MAF: variants seen among roughly 807,000 people sequenced by gnomAD.
MAF encodes transcription factor Maf.
A neutral mutation model predicts 22.0 loss-of-function variants in MAF; 10 were observed. The ratio of observed to expected loss-of-function variants is 0.45; its 90% CI spans 0.28 to 0.77. The LOEUF (loss-of-function observed/expected upper bound fraction) is 0.77. MAF is among the 30% of genes least tolerant of loss of function. The probability of loss-of-function intolerance (pLI) is 0.12; values close to 1 mark genes in which losing one functional copy is unlikely to be tolerated. For synonymous variants in MAF, 337 were observed against 255.8 expected (o/e 1.32, Z -3.03); for missense variants, 544 against 548.4 (o/e 0.99, Z 0.08).
chr16:79,325,822 T>C, the MAF span, among the ~76,000 whole-genome samples: 28 of 152,040 alleles, frequency 1.8e-4, no homozygotes, highest in African/African-American at 6.3e-4. Flanking sequence ...AGAACAAACA[T>C]GGCTAGGAAG....
the MAF span, among the ~76,000 whole-genome samples, chr16:79,262,236 G>T: frequency 6.6e-6 from 1 of 152,202 alleles, no homozygotes; most frequent in African/African-American, 2.4e-5. Flanking sequence ...GCTCCTTAGT[G>T]AGGGCCAGAC....
At chr16:79,502,120 G>A in the MAF span, among the ~76,000 whole-genome samples, 3 of 152,160 alleles carry the variant, frequency 2.0e-5, no homozygotes, top group Admixed American at 6.5e-5. Flanking sequence ...TCTCCCAGCC[G>A]AGTACCCTCT....
At chr16:79,219,373 T>C in the MAF span, among the ~76,000 whole-genome samples, 1 of 152,106 alleles carries the variant, frequency 6.6e-6, no homozygotes, top group South Asian at 2.1e-4. Flanking sequence ...TCTTTGTTCA[T>C]TTAAGACTCA....
At chr16:79,411,888 C>G in the MAF span, among the ~76,000 whole-genome samples, 1 of 152,046 alleles carries the variant, frequency 6.6e-6, no homozygotes, top group Admixed American at 6.5e-5. Context: ...CCTCTGCACC[C>G]TTTAAAAACA....
At chr16:79,292,769 A>T in the MAF span, among the ~76,000 whole-genome samples, 1 of 152,086 alleles carries the variant, frequency 6.6e-6, no homozygotes, top group Non-Finnish European at 1.5e-5. Flanking sequence ...GCCATCCAAA[A>T]CCCACCAAAA....
At chr16:79,469,893 C>A in the MAF span, among the ~76,000 whole-genome samples, 1,268 of 152,304 alleles carry the variant, frequency 8.3e-3, 13 homozygotes, top group African/African-American at 0.026. Context: ...CCGCGCCTGG[C>A]CTACAGGGTC....
chr16:79,536,048 C>T, the MAF span, among the ~76,000 whole-genome samples: 4 of 152,168 alleles, frequency 2.6e-5, no homozygotes, highest in Non-Finnish European at 4.4e-5. Context: ...GCTATGCAGA[C>T]AATAGGTGCT....
chr16:79,519,433 G>C, the MAF span, among the ~76,000 whole-genome samples: 1 of 152,186 alleles, frequency 6.6e-6, no homozygotes, highest in Non-Finnish European at 1.5e-5. Context: ...ATGCTACGGG[G>C]AGTCTCTAAC....
At chr16:79,232,919 C>A in the MAF span, among the ~76,000 whole-genome samples, 1 of 148,260 alleles carries the variant, frequency 6.7e-6, no homozygotes, top group African/African-American at 2.5e-5. Context: ...TGGCTCACTG[C>A]AAGCTCTGCC....
chr16:79,344,707 C>G, the MAF span, among the ~76,000 whole-genome samples: 1 of 152,166 alleles, frequency 6.6e-6, no homozygotes, highest in African/African-American at 2.4e-5. Flanking sequence ...CTTACTGAAA[C>G]ACTGATTTTT....
chr16:79,261,336 A>G, the MAF span, among the ~76,000 whole-genome samples: 1 of 123,144 alleles, frequency 8.1e-6, no homozygotes, highest in East Asian at 2.2e-4. Context: ...TAGTTTTACT[A>G]GAGACCGGGT....
the MAF span, among the ~76,000 whole-genome samples, chr16:79,501,303 G>A: frequency 2.0e-5 from 3 of 152,142 alleles, no homozygotes; most frequent in East Asian, 5.8e-4. Context: ...TCTTATAAGG[G>A]CACCAGTCAT....
chr16:79,598,892 C>T lies in MAF; in HGVS notation c.1011G>A (p.Leu337=). The T allele has an allele frequency of 9.9e-6, 16 of 1,613,780 alleles. No homozygotes were observed. The highest frequency in any genetic ancestry group is 1.4e-5 in the Non-Finnish European group (16 of 1,179,954). The change falls in exon 1 of 2, where the codon CTG becomes CTA. Residue 337 remains leucine (L), a synonymous_variant. Transcript: ENST00000326043. ...CCTTGTACGCGTCCCTCTCGCGCACCAGCCTGGAGATCTCCTGCTTGAGGT... is the reference window on the plus strand; with the variant it reads ...CCTTGTACGCGTCCCTCTCGCGCACTAGCCTGGAGATCTCCTGCTTGAGGT... ...VDHLKQEISR[L]VRERDAYKEK...
the MAF span, among the ~76,000 whole-genome samples, chr16:79,381,033 A>G: frequency 3.9e-5 from 6 of 152,372 alleles, no homozygotes; most frequent in African/African-American, 1.4e-4. Flanking sequence ...TTTGCCCTGA[A>G]GGGCAGGCTG....
chr16:79,537,257 C>G, the MAF span, among the ~76,000 whole-genome samples: 1 of 152,158 alleles, frequency 6.6e-6, no homozygotes, highest in Non-Finnish European at 1.5e-5. Context: ...CCTGGTTTTC[C>G]TTTGTGAGGC....
At chr16:79,316,449 A>G in the MAF span, among the ~76,000 whole-genome samples, 18 of 151,856 alleles carry the variant, frequency 1.2e-4, no homozygotes, top group Admixed American at 2.0e-4. Context: ...TAGCGCCAAC[A>G]TTTGCATCAT....
the MAF span, among the ~76,000 whole-genome samples, chr16:79,488,557 A>G: frequency 1.3e-5 from 2 of 152,288 alleles, no homozygotes; most frequent in African/African-American, 4.8e-5. Flanking sequence ...CGGGTCGAAC[A>G]TGCTATCTGG....
chr16:79,353,521 T>A, the MAF span, among the ~76,000 whole-genome samples: 1 of 152,062 alleles, frequency 6.6e-6, no homozygotes, highest in African/African-American at 2.4e-5. Context: ...CATAATATGA[T>A]CTCCGTATCA....
chr16:79,464,449 T>C, the MAF span, among the ~76,000 whole-genome samples: 1 of 152,124 alleles, frequency 6.6e-6, no homozygotes. Flanking sequence ...TGCTGTCCAA[T>C]CTTTGATTCT....
Sources: allele counts gnomAD v4.1 joint callset (sites outside exome capture counted in the v4.1 genomes callset), GRCh38; gene constraint gnomAD v4.1.1; transcripts MANE v1.5; gene names NCBI Gene and HGNC (gene_info 2026-07-23, HGNC 2026-07-21).